VTI1A: variants seen among roughly 807,000 people sequenced by gnomAD.
VTI1A encodes vesicle transport through interaction with t-SNAREs homolog 1A.
Under a neutral mutation model 34.9 loss-of-function variants are expected in VTI1A, and 22 were observed. That is an observed-to-expected ratio of 0.63 (90% CI 0.45 to 0.90). The LOEUF is 0.90. VTI1A is among the 40% of genes least tolerant of loss of function. The pLI, the probability that VTI1A is intolerant of heterozygous loss-of-function variation, is 0.00. For missense variants in VTI1A, 268 were observed against 275.6 expected, an observed-to-expected ratio of 0.97 and a Z score of 0.20; for synonymous variants, 87 against 97.3, an observed-to-expected ratio of 0.89 and a Z score of 0.62.
the VTI1A span, among the ~76,000 whole-genome samples, chr10:112,830,006 A>G: frequency 6.6e-6 from 1 of 152,144 alleles, no homozygotes; most frequent in African/African-American, 2.4e-5. Flanking sequence ...GAAGTAGAGA[A>G]GAAATAACTC....
intron 3 of VTI1A, among the ~76,000 whole-genome samples, chr10:112,476,762 A>G (rs959184961): frequency 2.0e-5 from 3 of 152,216 alleles, no homozygotes; most frequent in African/African-American, 7.2e-5. Flanking sequence ...TAAGGTAGCA[A>G]TTTGAAATGA....
chr10:112,522,150 A>G (rs1191217821), intron 3 of VTI1A, among the ~76,000 whole-genome samples: 1 of 152,118 alleles, frequency 6.6e-6, no homozygotes, highest in Admixed American at 6.6e-5. Flanking sequence ...TGTTAATTAT[A>G]ACAGGAGCAG....
chr10:112,821,137 A>G (rs1217351519), downstream of VTI1A, among the ~76,000 whole-genome samples: 1 of 152,202 alleles, frequency 6.6e-6, no homozygotes, highest in Non-Finnish European at 1.5e-5. Context: ...GCCAGGAAGC[A>G]GAGCTCTGGA....
chr10:112,565,612 G>A (rs1851881659), intron 5 of VTI1A, among the ~76,000 whole-genome samples: 1 of 152,038 alleles, frequency 6.6e-6, no homozygotes, highest in Non-Finnish European at 1.5e-5. Context: ...GCTGTAGTTT[G>A]CTCCTCATGC....
intron 3 of VTI1A, among the ~76,000 whole-genome samples, chr10:112,487,106 A>G (rs1022006640): frequency 3.3e-5 from 5 of 152,092 alleles, no homozygotes; most frequent in African/African-American, 9.7e-5. Context: ...GAGAAATACT[A>G]TGATAAAACT....
intron 3 of VTI1A, among the ~76,000 whole-genome samples, chr10:112,518,002 ACT>A (rs765868812): frequency 5.9e-5 from 9 of 152,000 alleles, no homozygotes; most frequent in Non-Finnish European, 7.4e-5. Context: ...TTATATGGGA[ACT>A]CTCTGCACTG....
chr10:112,845,037 T>C, the VTI1A span, among the ~76,000 whole-genome samples: 1 of 152,232 alleles, frequency 6.6e-6, no homozygotes, highest in African/African-American at 2.4e-5. Flanking sequence ...CAGAGGACTA[T>C]GACCGTGTCA....
chr10:112,732,043 A>G (rs540647535), intron 7 of VTI1A, among the ~76,000 whole-genome samples: 124 of 152,160 alleles, frequency 8.1e-4, no homozygotes, highest in Non-Finnish European at 1.1e-3. Flanking sequence ...CTTTTTTTCA[A>G]GCTAATTAAA....
At chr10:112,823,141 G>A (rs1853684042), downstream of VTI1A, among the ~76,000 whole-genome samples, 2 of 152,142 alleles carry the variant, frequency 1.3e-5, no homozygotes, top group African/African-American at 4.8e-5. Flanking sequence ...ATTCCTCCTT[G>A]CAATCCCCAT....
At chr10:112,451,425 T>G (rs1299780625) in intron 1 of VTI1A, among the ~76,000 whole-genome samples, 2 of 152,244 alleles carry the variant, frequency 1.3e-5, no homozygotes, top group Non-Finnish European at 1.5e-5. Context: ...TCATGTTAAT[T>G]GAACTCTTAA....
chr10:112,710,145 T>C (rs1295721679), intron 7 of VTI1A, among the ~76,000 whole-genome samples: 1 of 150,716 alleles, frequency 6.6e-6, no homozygotes, highest in Non-Finnish European at 1.5e-5. Context: ...GCTTGGTAAA[T>C]ATTGGCCCAT....
chr10:112,570,963 C>T (rs769075296), intron 5 of VTI1A, among the ~76,000 whole-genome samples: 32 of 152,332 alleles, frequency 2.1e-4, no homozygotes, highest in Non-Finnish European at 3.5e-4. Flanking sequence ...GTCCTATCAT[C>T]CCCACTTTAC....
the VTI1A span, among the ~76,000 whole-genome samples, chr10:112,851,604 C>T: frequency 6.6e-6 from 1 of 152,130 alleles, no homozygotes; most frequent in Admixed American, 6.5e-5. Context: ...TGAGCACACC[C>T]AGCAAAGTCC....
At chr10:112,716,747 A>G (rs1251373074) in intron 7 of VTI1A, among the ~76,000 whole-genome samples, 3 of 152,194 alleles carry the variant, frequency 2.0e-5, no homozygotes, top group Non-Finnish European at 4.4e-5. Context: ...TTTGGATTAG[A>G]GATATTCAAC....
At chr10:112,544,653 G>T (rs1851006977) in intron 5 of VTI1A, among the ~76,000 whole-genome samples, 1 of 152,052 alleles carries the variant, frequency 6.6e-6, no homozygotes, top group African/African-American at 2.4e-5. Context: ...ACTGATAAAG[G>T]CTACCTTACA....
intron 7 of VTI1A, among the ~76,000 whole-genome samples, chr10:112,704,073 T>A (rs1849107915): frequency 6.6e-6 from 1 of 152,250 alleles, no homozygotes; most frequent in South Asian, 2.1e-4. Context: ...TCTTCGGTCT[T>A]ATTTAAAATT....
the VTI1A span, among the ~76,000 whole-genome samples, chr10:112,842,037 CTTTTTTTTTTTTCCTTTTTT>C: frequency 2.5e-5 from 1 of 39,904 alleles, no homozygotes; most frequent in South Asian, 7.6e-4. Context: ...GAGTTCTTTT[CTTTTTTTTTTTTCCTTTTTT>C]TTTTTTTTTT....
chr10:112,539,354 A>G (rs1850773261), intron 5 of VTI1A, among the ~76,000 whole-genome samples: 1 of 152,188 alleles, frequency 6.6e-6, no homozygotes, highest in Non-Finnish European at 1.5e-5. Context: ...TGGCTGCCCT[A>G]TATTGGTTGG....
chr10:112,721,724 C>A (rs1259393471), intron 7 of VTI1A, among the ~76,000 whole-genome samples: 1 of 152,042 alleles, frequency 6.6e-6, no homozygotes, highest in Non-Finnish European at 1.5e-5. Context: ...AGACTTTATA[C>A]CATTATTTCA....
Sources: allele counts gnomAD v4.1 joint callset (sites outside exome capture counted in the v4.1 genomes callset), GRCh38; gene constraint gnomAD v4.1.1; transcripts MANE v1.5; gene names NCBI Gene and HGNC (gene_info 2026-07-23, HGNC 2026-07-21).